CNBD1: variants seen among roughly 807,000 people sequenced by gnomAD.
CNBD1 encodes the protein cyclic nucleotide binding domain containing 1, also known as cyclic nucleotide-binding domain-containing protein 1.
A neutral mutation model predicts 54.4 loss-of-function variants in CNBD1; 71 were observed. The observed-to-expected ratio is 1.30, with a 90% CI of 1.08 to 1.59. The LOEUF (loss-of-function observed/expected upper bound fraction) is 1.59, where lower values mean the gene tolerates loss of function less well. Ranked by LOEUF, CNBD1 falls within the 40% of genes most tolerant of loss-of-function variation. CNBD1 has a pLI of 0.00. For synonymous variants in CNBD1, 182 were observed against 170.7 expected (o/e 1.07, Z -0.51); for missense variants, 659 against 518.0 (o/e 1.27, Z -2.64).
chr8:87,080,935 C>T (rs918892734), intron 4 of CNBD1, among the ~76,000 whole-genome samples: 3 of 151,558 alleles, frequency 2.0e-5, no homozygotes, highest in African/African-American at 7.3e-5. Flanking sequence ...CTTTTTTCCC[C>T]TTGTCATTGT....
rs1295894542 is a variant in CNBD1 at position 87,166,459 on chromosome 8, AAC to A, written c.432-39530_432-39529del. 2.6e-5 allele frequency among the ~76,000 whole-genome samples: 4 copies of A among 151,974 alleles called. No homozygotes were observed. The highest frequency in any genetic ancestry group is 4.4e-5 in the Non-Finnish European group (3 of 67,936). On this transcript the variant is annotated intron_variant, in intron 4 of 10. Transcript: ENST00000518476. The surrounding 1 kb of genome is among the most constrained non-coding windows in gnomAD (Gnocchi z 4.3). ...ATAGCTGCTGAAATGCTCTTTTCAA[AAC>A]ACAAACTGATTTCATTTGTTGCCCC...
At chr8:87,196,038 A>G (rs1813715960) in intron 4 of CNBD1, among the ~76,000 whole-genome samples, 2 of 152,140 alleles carry the variant, frequency 1.3e-5, no homozygotes, top group African/African-American at 2.4e-5. Flanking sequence ...AATTTTGAGC[A>G]TATTCAAATC....
chr8:87,403,580 C>A (rs984833914), intron 2 of CNBD1, among the ~76,000 whole-genome samples: 2 of 151,986 alleles, frequency 1.3e-5, no homozygotes, highest in Non-Finnish European at 2.9e-5. Flanking sequence ...TTCTCTCACA[C>A]TGGATTTTCT....
chr8:87,420,922 A>C (rs1807922647), intron 2 of CNBD1, among the ~76,000 whole-genome samples: 1 of 152,006 alleles, frequency 6.6e-6, no homozygotes, highest in Admixed American at 6.6e-5. Context: ...CTGATCGTGG[A>C]GTAAGCTTTC....
At chr8:87,393,577 C>A (rs116294283) in intron 2 of CNBD1, among the ~76,000 whole-genome samples, 2 of 151,672 alleles carry the variant, frequency 1.3e-5, no homozygotes, top group African/African-American at 4.8e-5. Flanking sequence ...GGTTTGGACA[C>A]AATAATAGTC....
intron 2 of CNBD1, among the ~76,000 whole-genome samples, chr8:86,898,204 AT>A (rs1310365320): frequency 6.6e-6 from 1 of 152,204 alleles, no homozygotes; most frequent in East Asian, 1.9e-4. Context: ...ACTGAAATGT[AT>A]ATAAAGACAC....
At chr8:87,299,949 C>A (rs887307065) in intron 8 of CNBD1, among the ~76,000 whole-genome samples, 1 of 151,904 alleles carries the variant, frequency 6.6e-6, no homozygotes, top group East Asian at 1.9e-4. Flanking sequence ...TATACTTGAG[C>A]TTGGATTATA....
At chr8:87,120,818 A>T (rs1811874021) in intron 4 of CNBD1, among the ~76,000 whole-genome samples, 1 of 151,888 alleles carries the variant, frequency 6.6e-6, no homozygotes, top group Non-Finnish European at 1.5e-5. Flanking sequence ...TTATTTTATT[A>T]GGAATTTATC....
At chr8:87,337,552 G>C (rs769688064) in intron 8 of CNBD1, among the ~76,000 whole-genome samples, 1 of 152,242 alleles carries the variant, frequency 6.6e-6, no homozygotes, top group African/African-American at 2.4e-5. Context: ...CTGAGTGGCT[G>C]TTGAGAATCT....
chr8:87,159,920 T>C (rs1178386859), intron 4 of CNBD1, among the ~76,000 whole-genome samples: 1 of 151,416 alleles, frequency 6.6e-6, no homozygotes, highest in Non-Finnish European at 1.5e-5. Context: ...TTTTAACAGA[T>C]ACATAGCTTT....
chr8:87,385,682 C>T (rs1447389500), downstream of CNBD1, among the ~76,000 whole-genome samples: 2 of 152,140 alleles, frequency 1.3e-5, no homozygotes, highest in African/African-American at 4.8e-5. Flanking sequence ...GTAGACTCCA[C>T]CTCTGGGGGC....
chr8:87,338,828 A>G (rs903374074), intron 8 of CNBD1, among the ~76,000 whole-genome samples: 2 of 152,092 alleles, frequency 1.3e-5, no homozygotes, highest in African/African-American at 4.8e-5. Flanking sequence ...GACATGATGT[A>G]CTGGATAGAA....
At position 87,024,248 on chromosome 8, in the gene CNBD1, GAAAA is replaced by G. The variant is rs747783329; in HGVS notation, c.431+84507_431+84510del. ...AGCGAGACTCCATCTCAAAAAAAAA[GAAAA>G]AAAAAAAAAAAAGCTATCCAGGAAT... is the stretch of plus-strand genomic sequence containing the variant. On this transcript the variant is annotated intron_variant, in intron 4 of 10. Transcript: ENST00000518476. 4.9e-3 allele frequency among the ~76,000 whole-genome samples: 568 copies of G among 115,840 alleles called. 8 individuals carry two copies. Among genetic ancestry groups the G allele is most frequent in the African/African-American group, 0.016 (536 of 32,612 alleles). The allele number at this position is 115,840 out of a possible 152,430, so 76.0% of individuals were successfully genotyped here.
At chr8:87,243,321 C>A (rs1413166334) in intron 6 of CNBD1, among the ~76,000 whole-genome samples, 7 of 152,196 alleles carry the variant, frequency 4.6e-5, no homozygotes, top group African/African-American at 1.7e-4. Flanking sequence ...TTGTTTCAAA[C>A]AAGAACATAT....
chr8:87,421,484 T>C (rs1256642649), intron 2 of CNBD1, among the ~76,000 whole-genome samples: 1 of 139,522 alleles, frequency 7.2e-6, no homozygotes, highest in African/African-American at 2.7e-5. Context: ...GTCCATGTGA[T>C]CTCATTGTTC....
chr8:86,918,296 T>C (rs935828612), intron 3 of CNBD1, among the ~76,000 whole-genome samples: 5 of 152,182 alleles, frequency 3.3e-5, no homozygotes, highest in African/African-American at 1.2e-4. Context: ...TGAATGGAAG[T>C]GTTTGACAGA....
At chr8:87,035,738 T>C (rs1225275785) in intron 4 of CNBD1, among the ~76,000 whole-genome samples, 1 of 152,192 alleles carries the variant, frequency 6.6e-6, no homozygotes, top group African/African-American at 2.4e-5. Flanking sequence ...TTCTCTGTCA[T>C]ATAAATGTCT....
At chr8:87,027,635 CA>C (rs1809678383) in intron 4 of CNBD1, among the ~76,000 whole-genome samples, 1 of 152,126 alleles carries the variant, frequency 6.6e-6, no homozygotes, top group East Asian at 1.9e-4. Flanking sequence ...CAAAAAGTAC[CA>C]CAGAAGAACA....
intron 2 of CNBD1, among the ~76,000 whole-genome samples, chr8:86,903,030 A>T (rs1808962775): frequency 6.6e-6 from 1 of 152,140 alleles, no homozygotes; most frequent in African/African-American, 2.4e-5. Context: ...GGGACATAGA[A>T]TATAAATTAT....
Sources: allele counts gnomAD v4.1 joint callset (sites outside exome capture counted in the v4.1 genomes callset), GRCh38; gene constraint gnomAD v4.1.1; non-coding constraint Gnocchi (gnomAD v3.1); transcripts MANE v1.5; gene names NCBI Gene and HGNC (gene_info 2026-07-23, HGNC 2026-07-21).